Variants in C6 observed in about 807,000 individuals in gnomAD.
The protein encoded by C6 is complement C6, also known as complement component C6.
In C6, 101 loss-of-function variants were observed where a neutral mutation model predicts 112.9. The observed-to-expected ratio is 0.89, with a 90% CI of 0.76 to 1.06. The LOEUF is 1.06. Among genes scored for constraint, C6 ranks in the 50% least tolerant of loss-of-function variants. The pLI is 0.00. For synonymous variants in C6, 431 were observed against 384.1 expected, an observed-to-expected ratio of 1.12 and a Z score of -1.43; for missense variants, 1,202 against 1,104.6, an observed-to-expected ratio of 1.09 and a Z score of -1.25.
At chr5:41,229,784 C>A (rs1739771662) in intron 1 of C6, among the ~76,000 whole-genome samples, 1 of 152,002 alleles carries the variant, frequency 6.6e-6, no homozygotes, top group Non-Finnish European at 1.5e-5. Context: ...TATTAAAGTT[C>A]AATACTATTG....
chr5:41,219,684 A>G (rs563261024), intron 1 of C6, among the ~76,000 whole-genome samples: 4 of 152,314 alleles, frequency 2.6e-5, no homozygotes, highest in African/African-American at 7.2e-5. Context: ...GTTCGTAGTT[A>G]CAAGGCAAAG....
At chr5:41,249,895 T>A (rs531317840) in intron 1 of C6, among the ~76,000 whole-genome samples, 24 of 152,112 alleles carry the variant, frequency 1.6e-4, no homozygotes, top group African/African-American at 4.6e-4. Flanking sequence ...TGTTTCAGAG[T>A]CATGTTTAAA....
intron 1 of C6, among the ~76,000 whole-genome samples, chr5:41,252,024 T>C (rs1425051523): frequency 6.6e-6 from 1 of 152,242 alleles, no homozygotes; most frequent in East Asian, 1.9e-4. Flanking sequence ...AGCGTGGCTA[T>C]CTTTTCCAGA....
At chr5:41,172,471 C>A in intron 8 of C6, 124 bp from the exon 9 acceptor site, 1 of 926,896 alleles carries the variant, frequency 1.1e-6, no homozygotes, top group South Asian at 1.4e-5. Context: ...TTCCCCAGTC[C>A]CCATAATCTT....
At chr5:41,261,204 T>A (rs754423926) in exon 1 of C6, 14 of 985,772 alleles carry the variant, frequency 1.4e-5, no homozygotes, top group Non-Finnish European at 1.7e-5. Context: ...TATGCATCTA[T>A]GACTTGAAGA....
At chr5:41,198,776 C>T (rs769475500) in intron 4 of C6, among the ~76,000 whole-genome samples, 4 of 152,218 alleles carry the variant, frequency 2.6e-5, no homozygotes, top group Non-Finnish European at 5.9e-5. Flanking sequence ...GAATAAGAGT[C>T]TTTTTTGCTT....
At chr5:41,199,380 T>G (rs1052820211) in intron 4 of C6, among the ~76,000 whole-genome samples, 2 of 152,188 alleles carry the variant, frequency 1.3e-5, no homozygotes, top group Non-Finnish European at 2.9e-5. Flanking sequence ...CATTTGTGTA[T>G]GTGCTTTTGA....
Position 41,180,592 on chromosome 5 carries a change from T to C in C6, c.927+767A>G, listed in dbSNP as rs746183896. ...ACTTAGACATACCCTAAGTTCCAAGTGCAAAAAAGAATTGTAACTTTTCAA... is the reference window on the plus strand; with the variant it reads ...ACTTAGACATACCCTAAGTTCCAAGCGCAAAAAAGAATTGTAACTTTTCAA... On this transcript the variant is annotated intron_variant, in intron 7 of 17. Coordinates refer to ENST00000337836, the MANE Select transcript of C6 (RefSeq NM_000065.5). 1.8e-4 allele frequency among the ~76,000 whole-genome samples: 28 copies of C among 151,934 alleles called. 1 individual carries two copies. Among genetic ancestry groups the C allele is most frequent in the South Asian group, 1.0e-3 (5 of 4,800 alleles).
At chr5:41,206,078 G>T (rs1449514696) in intron 1 of C6, among the ~76,000 whole-genome samples, 1 of 152,186 alleles carries the variant, frequency 6.6e-6, no homozygotes, top group Middle Eastern at 3.2e-3. Flanking sequence ...CTGTTCTACA[G>T]CCTCCGCTGG....
At chr5:41,239,111 C>CTTTTTTTTTTTTTTT (rs34322889) in intron 1 of C6, among the ~76,000 whole-genome samples, 10 of 121,668 alleles carry the variant, frequency 8.2e-5, no homozygotes, top group East Asian at 2.3e-4. Context: ...TCTTTTCTTT[C>CTTTTTTTTTTTTTTT]TTTTTTTTTT....
intron 1 of C6, among the ~76,000 whole-genome samples, chr5:41,230,271 A>G (rs1739809168): frequency 6.6e-6 from 1 of 152,122 alleles, no homozygotes; most frequent in Non-Finnish European, 1.5e-5. Flanking sequence ...TGGGCAGAAT[A>G]GAGCCATATT....
In C6 at chr5:41,149,254, C is replaced by G; in HGVS notation, c.2610G>C (p.Trp870Cys). The G allele has an allele frequency of 6.2e-7, 1 of 1,613,910 alleles. No individual in the cohort carries two copies. Among genetic ancestry groups the G allele is most frequent in the Non-Finnish European group, 8.5e-7 (1 of 1,179,918 alleles). Reference sequence around the variant, plus strand: ...ATTGGAACTTACCTGAACATTTTTCCCAGTCATAGCAGGTGTCATAGCCAC... The same window carrying G: ...ATTGGAACTTACCTGAACATTTTTCGCAGTCATAGCAGGTGTCATAGCCAC... Reference protein sequence around the residue: ...ESCGYDTCYDWEKCSASTSKC... With the variant: ...ESCGYDTCYDCEKCSASTSKC... Residue 870 changes from tryptophan to cysteine, a missense_variant, in exon 17 of 18, where the codon TGG (tryptophan) becomes TGC (cysteine). Transcript: ENST00000337836.
chr5:41,203,309 G>A, intron 1 of C6, 59 bp from the exon 2 acceptor site: 2 of 1,525,454 alleles, frequency 1.3e-6, no homozygotes, highest in South Asian at 1.1e-5. Context: ...ACCTTCACAA[G>A]TCATCCTGAG....
chr5:41,242,723 A>G (rs1373969679), intron 1 of C6, among the ~76,000 whole-genome samples: 1 of 152,180 alleles, frequency 6.6e-6, no homozygotes, highest in Non-Finnish European at 1.5e-5. Flanking sequence ...GAAATCCCAC[A>G]TTTAGGCTTT....
At chr5:41,180,535 G>A (rs1749245173) in intron 7 of C6, among the ~76,000 whole-genome samples, 1 of 151,712 alleles carries the variant, frequency 6.6e-6, no homozygotes, top group African/African-American at 2.4e-5. Context: ...GGTTCTCTAA[G>A]TCCCTGGCAA....
intron 12 of C6, 27 bp from the exon 13 acceptor site, chr5:41,158,812 T>C: frequency 4.8e-6 from 6 of 1,261,346 alleles, no homozygotes; most frequent in Non-Finnish European, 5.8e-6. Context: ...AATATGTGTG[T>C]ATATGTATGT....
chr5:41,195,822 G>A lies in C6; in HGVS notation c.557C>T (p.Pro186Leu). 1 of 1,613,796 alleles carries A rather than the reference G, an allele frequency of 6.2e-7. No individual in the cohort carries two copies. The highest frequency in any genetic ancestry group is 8.5e-7 in the Non-Finnish European group (1 of 1,179,868). ...GCCCATCAACTGTACACTAGGGATG[G>A]GATTATACTTCCGTGTGCATACTGC... ...TKAVCTRKYN[P>L]IPSVQLMGNG... Residue 186 changes from proline to leucine, a missense_variant, in exon 5 of 18, where the codon CCC becomes CTC. Transcript: ENST00000337836.
At chr5:41,179,887 CAG>C (rs1243458582) in intron 7 of C6, among the ~76,000 whole-genome samples, 2 of 151,762 alleles carry the variant, frequency 1.3e-5, no homozygotes, top group South Asian at 2.1e-4. Context: ...ATAAGACAAA[CAG>C]ATTTCAGTTC....
chr5:41,202,786 G>A (rs142928533), intron 2 of C6, among the ~76,000 whole-genome samples: 2 of 152,196 alleles, frequency 1.3e-5, no homozygotes, highest in Non-Finnish European at 2.9e-5. Context: ...CTATAGGCAA[G>A]CAAAGTTGTA....
Sources: allele counts gnomAD v4.1 joint callset (sites outside exome capture counted in the v4.1 genomes callset), GRCh38; gene constraint gnomAD v4.1.1; transcripts MANE v1.5; gene names NCBI Gene and HGNC (gene_info 2026-07-23, HGNC 2026-07-21).